H2BC4: variants seen among roughly 807,000 people sequenced by gnomAD.
H2BC4 encodes the protein H2B clustered histone 4, also known as histone H2B type 1-C/E/F/G/I.
A neutral mutation model predicts 6.2 loss-of-function variants in H2BC4; 10 were observed. That is an observed-to-expected ratio of 1.61 (90% CI 0.99 to 2.73). The LOEUF (loss-of-function observed/expected upper bound fraction) is 2.73, where lower values mean the gene tolerates loss of function less well. Among genes scored for constraint, H2BC4 ranks in the 30% most tolerant of loss-of-function variants. The probability of loss-of-function intolerance (pLI) is 0.00; values close to 1 mark genes in which losing one functional copy is unlikely to be tolerated. For missense variants in H2BC4, 176 were observed against 168.7 expected, an observed-to-expected ratio of 1.04 and a Z score of -0.24; for synonymous variants, 146 against 70.7, an observed-to-expected ratio of 2.07 and a Z score of -5.35.
downstream of H2BC4, among the ~76,000 whole-genome samples, chr6:26,113,800 C>T (rs554112694): frequency 2.0e-5 from 3 of 151,904 alleles, no homozygotes; most frequent in African/African-American, 7.2e-5. Flanking sequence ...AGAGTGCTAC[C>T]TTCTCACTGT....
chr6:26,119,071 G>C (rs982711051), downstream of H2BC4, among the ~76,000 whole-genome samples: 3 of 151,746 alleles, frequency 2.0e-5, no homozygotes, highest in Non-Finnish European at 4.4e-5. Context: ...ATGCTTACTT[G>C]TGTTTCTCTG....
downstream of H2BC4, among the ~76,000 whole-genome samples, chr6:26,122,943 G>A (rs140016006): frequency 2.0e-5 from 3 of 152,244 alleles, no homozygotes; most frequent in East Asian, 5.8e-4. Context: ...GACTATTACC[G>A]GGGCAGTTGG....
At chr6:26,114,163 A>C (rs1763391504), downstream of H2BC4, among the ~76,000 whole-genome samples, 1 of 152,170 alleles carries the variant, frequency 6.6e-6, no homozygotes, top group East Asian at 1.9e-4. Flanking sequence ...GCATGCAGCT[A>C]AATGCAGTTT....
downstream of H2BC4, among the ~76,000 whole-genome samples, chr6:26,114,144 G>A (rs198834): frequency 0.28 from 42,483 of 152,034 alleles, 7,141 homozygotes; most frequent in Non-Finnish European, 0.38. Flanking sequence ...GGTAAAAGTA[G>A]TTTCAGTTGC....
downstream of H2BC4, among the ~76,000 whole-genome samples, chr6:26,120,946 T>C (rs190210467): frequency 9.5e-4 from 145 of 152,354 alleles, no homozygotes; most frequent in Middle Eastern, 6.8e-3. Flanking sequence ...ATTTCCTTTT[T>C]GTCTCCTGTT....
At chr6:26,114,225 G>A (rs1763391990), downstream of H2BC4, among the ~76,000 whole-genome samples, 1 of 152,110 alleles carries the variant, frequency 6.6e-6, no homozygotes, top group Non-Finnish European at 1.5e-5. Context: ...ATATTTATGT[G>A]GCCTTAACCT....
At chr6:26,116,242 AAGG>A (rs1033257341) in intron 1 of H2BC4, among the ~76,000 whole-genome samples, 2 of 152,212 alleles carry the variant, frequency 1.3e-5, no homozygotes, top group African/African-American at 4.8e-5. Context: ...AGCCAGCAGC[AAGG>A]AGATCTACTA....
rs368126864 is a variant in H2BC4 at position 26,123,841 on chromosome 6, C to T, written c.64G>A (p.Ala22Thr). ...CGCTTCTTGCCATCTTTCTTCTGCG[C>T]TTTGGTCACTGCCTTCTTGGAGCCC... ...KKGSKKAVTK[A>T]QKKDGKKRKR... The change falls in exon 1 of 1, where the codon GCG becomes ACG. Residue 22 changes from alanine (A) to threonine (T), a missense_variant. Ala to Thr is a moderately conservative substitution (Grantham distance 58, BLOSUM62 0). Transcript: ENST00000396984. 15 of 1,614,150 alleles carry T rather than the reference C, an allele frequency of 9.3e-6. No homozygotes were observed. The highest frequency in any genetic ancestry group is 2.2e-5 in the South Asian group (2 of 91,096).
chr6:26,123,273 C>G (rs1435676313), downstream of H2BC4: 1 of 625,358 alleles, frequency 1.6e-6, no homozygotes, highest in South Asian at 2.7e-5. Flanking sequence ...GGCCGCTTGT[C>G]TCCATTTTAA....
At chr6:26,123,268 C>G (rs1256941880), downstream of H2BC4, 1 of 607,696 alleles carries the variant, frequency 1.6e-6, no homozygotes, top group East Asian at 3.4e-5. Flanking sequence ...AAAATGGCCG[C>G]TTGTCTCCAT....
At chr6:26,122,305 GT>G (rs1289261317), downstream of H2BC4, among the ~76,000 whole-genome samples, 2 of 152,140 alleles carry the variant, frequency 1.3e-5, no homozygotes, top group African/African-American at 2.4e-5. Context: ...TGGTATTTAA[GT>G]TTGTAAAAAT....
At chr6:26,117,968 C>T (rs1024308342) in intron 1 of H2BC4, among the ~76,000 whole-genome samples, 153 of 152,280 alleles carry the variant, frequency 1.0e-3, no homozygotes, top group African/African-American at 3.3e-3. Context: ...GGCTGTGCAG[C>T]ACTATGGCTA....
chr6:26,122,632 G>C (rs1395341671), downstream of H2BC4, among the ~76,000 whole-genome samples: 1 of 152,168 alleles, frequency 6.6e-6, no homozygotes, highest in African/African-American at 2.4e-5. Context: ...CTGGCCTTCA[G>C]TTCAGTGTTC....
chr6:26,119,968 CT>C (rs1476318332), downstream of H2BC4, among the ~76,000 whole-genome samples: 1 of 151,998 alleles, frequency 6.6e-6, no homozygotes, highest in Non-Finnish European at 1.5e-5. Flanking sequence ...CACAGTTAAA[CT>C]TTTTTTCTCT....
At chr6:26,123,207 G>A (rs1484776008), downstream of H2BC4, 6 of 402,992 alleles carry the variant, frequency 1.5e-5, no homozygotes, top group Non-Finnish European at 2.2e-5. Context: ...CAGACAGCTG[G>A]GTCTGAAACC....
chr6:26,115,743 G>A (rs542495622), intron 1 of H2BC4, among the ~76,000 whole-genome samples: 1 of 152,124 alleles, frequency 6.6e-6, no homozygotes, highest in South Asian at 2.1e-4. Flanking sequence ...CTCACAACGT[G>A]TATTGTTCTC....
downstream of H2BC4, among the ~76,000 whole-genome samples, chr6:26,122,985 C>T (rs985722239): frequency 2.6e-5 from 4 of 152,156 alleles, no homozygotes; most frequent in African/African-American, 4.8e-5. Flanking sequence ...CAGTATACTA[C>T]GAAGGTGTGC....
downstream of H2BC4, among the ~76,000 whole-genome samples, chr6:26,122,181 A>G (rs1033161372): frequency 3.9e-5 from 6 of 152,162 alleles, no homozygotes; most frequent in Non-Finnish European, 8.8e-5. Flanking sequence ...GTGTTCAAGT[A>G]TAAGGCCTTG....
At chr6:26,114,629 T>C (rs1443305050), downstream of H2BC4, among the ~76,000 whole-genome samples, 3 of 152,076 alleles carry the variant, frequency 2.0e-5, no homozygotes, top group Non-Finnish European at 4.4e-5. Flanking sequence ...AAGATTTATG[T>C]ACAAAGATGT....
Sources: gnomAD v4.1 joint callset for allele counts (sites outside exome capture counted in the v4.1 genomes callset) on GRCh38, gnomAD v4.1.1 for gene constraint, MANE v1.5 for transcripts, NCBI Gene and HGNC (gene_info 2026-07-23, HGNC 2026-07-21) for gene names.